CERKL: variants seen among roughly 807,000 people sequenced by gnomAD.
CERKL encodes the protein CERK like autophagy regulator, also known as ceramide kinase-like protein.
In CERKL, 61 loss-of-function variants were observed where a neutral mutation model predicts 63.4. The ratio of observed to expected loss-of-function variants is 0.96; its 90% CI spans 0.78 to 1.19. CERKL has a LOEUF of 1.19. CERKL is among the 50% of genes most tolerant of loss of function. The probability of loss-of-function intolerance (pLI) is 0.00; values close to 1 mark genes in which losing one functional copy is unlikely to be tolerated. For missense variants in CERKL, 675 were observed against 655.5 expected (o/e 1.03, Z -0.33); for synonymous variants, 250 against 230.5 (o/e 1.08, Z -0.77).
chr2:181,634,133 T>A (rs575038185), intron 1 of CERKL, among the ~76,000 whole-genome samples: 6 of 152,316 alleles, frequency 3.9e-5, no homozygotes, highest in African/African-American at 1.4e-4. Flanking sequence ...CTCTGAATTA[T>A]GCCATAAAAC....
At chr2:181,622,304 G>A (rs1686492224) in intron 1 of CERKL, among the ~76,000 whole-genome samples, 1 of 152,156 alleles carries the variant, frequency 6.6e-6, no homozygotes, top group African/African-American at 2.4e-5. Context: ...CACACCGCAT[G>A]GGGCTTGCTA....
rs1687955674 is a variant in CERKL, at chr2:181,550,914, C to T, written c.821-1206G>A. On this transcript the variant is annotated intron_variant, in intron 5 of 12. Transcript: ENST00000410087. This position sits in a 1 kb window ranked among gnomAD's most constrained non-coding sequence, Gnocchi z 4.5. ...AATGGCAAACTGGTTCCAACTGATTCACCAAAAGGCAAGTTATGCTGTGAC... is the reference window on the plus strand; with the variant it reads ...AATGGCAAACTGGTTCCAACTGATTTACCAAAAGGCAAGTTATGCTGTGAC... Among the ~76,000 whole-genome samples the T allele has an allele frequency of 6.6e-6, 1 of 152,108 alleles. No homozygotes were observed. Among genetic ancestry groups the T allele is most frequent in the South Asian group, 2.1e-4 (1 of 4,824 alleles).
rs1413314988 is a variant in CERKL, at chr2:181,580,048, C to T, written c.482-6164G>A. Among the ~76,000 whole-genome samples, 3 of 151,830 alleles carry T rather than the reference C, an allele frequency of 2.0e-5. 1 individual carries two copies. The highest frequency in any genetic ancestry group is 7.3e-5 in the African/African-American group (3 of 41,216). On this transcript the variant is annotated intron_variant, in intron 2 of 12. Transcript: ENST00000410087. ...AAAGAATTTTTCACATCTATTTTTG[C>T]TTATTTTTACATATGATCTTTGAAA...
At chr2:181,607,526 T>C (rs560629074) in intron 1 of CERKL, among the ~76,000 whole-genome samples, 3 of 152,324 alleles carry the variant, frequency 2.0e-5, no homozygotes, top group South Asian at 4.2e-4. Flanking sequence ...CCTGGTTCCC[T>C]TAAGGAAGAA....
chr2:181,565,442 A>C (rs1413782267), intron 4 of CERKL: 1 of 1,611,754 alleles, frequency 6.2e-7, no homozygotes, highest in Admixed American at 1.7e-5. Flanking sequence ...CCTTGGTTCT[A>C]ACGTTTGCAT....
chr2:181,605,649 A>T (rs1268059029), intron 1 of CERKL, among the ~76,000 whole-genome samples: 1 of 152,198 alleles, frequency 6.6e-6, no homozygotes, highest in Non-Finnish European at 1.5e-5. Flanking sequence ...AAAAATATTT[A>T]CAGGAATAGA....
At chr2:181,565,710 A>G (rs1249011814) in intron 4 of CERKL, among the ~76,000 whole-genome samples, 20 of 152,202 alleles carry the variant, frequency 1.3e-4, no homozygotes, top group Non-Finnish European at 2.2e-4. Context: ...TAGTTATGCC[A>G]TGTGACCAGT....
chr2:181,587,565 G>T (rs1305247012), intron 2 of CERKL, among the ~76,000 whole-genome samples: 1 of 151,880 alleles, frequency 6.6e-6, no homozygotes, highest in African/African-American at 2.4e-5. Flanking sequence ...TAAAAATCCA[G>T]ACTAAAAAGA....
At chr2:181,644,330 A>T (rs1687577599) in intron 1 of CERKL, among the ~76,000 whole-genome samples, 1 of 152,192 alleles carries the variant, frequency 6.6e-6, no homozygotes, top group Admixed American at 6.5e-5. Context: ...TTTCTTCAGG[A>T]TTTTTCTCAT....
At chr2:181,595,672 T>C (rs1685175595) in intron 2 of CERKL, among the ~76,000 whole-genome samples, 1 of 152,218 alleles carries the variant, frequency 6.6e-6, no homozygotes, top group Non-Finnish European at 1.5e-5. Context: ...TTAACCTTGT[T>C]AACTGATTTT....
intron 8 of CERKL, chr2:181,548,281 G>A: frequency 1.9e-6 from 1 of 532,528 alleles, no homozygotes; most frequent in Non-Finnish European, 3.3e-6. Context: ...GGAAAGGAAA[G>A]AAAGGGGAAG....
chr2:181,558,700 C>G lies in CERKL; in HGVS notation c.686G>C (p.Cys229Ser), dbSNP rs1243709117. Residue 229 changes from cysteine (C) to serine (S), a missense_variant, in exon 5 of 13, where the codon TGT (cysteine) becomes TCT (serine). By Grantham distance (112) the Cys-to-Ser change is moderately radical. Transcript: ENST00000410087. The surrounding 1 kb of genome is among the most constrained non-coding windows in gnomAD (Gnocchi z 4.2). The stretch of plus-strand genomic sequence containing the variant: ...GCTAGCAGATCCATCTCCACCAACA[C>G]AGACAACACTAGAAAAATACAAATC... ...CELQGFDGVV[C>S]VGGDGSASEV... 1 of 1,613,544 alleles carries G rather than the reference C, an allele frequency of 6.2e-7. No individual in the cohort carries two copies. Among genetic ancestry groups the G allele is most frequent in the Admixed American group, 1.7e-5 (1 of 59,928 alleles).
At chr2:181,555,705 TAA>T (rs1158135652) in intron 5 of CERKL, among the ~76,000 whole-genome samples, 1 of 152,068 alleles carries the variant, frequency 6.6e-6, no homozygotes, top group Non-Finnish European at 1.5e-5. Context: ...TGTGACTTTT[TAA>T]AAGTTGATTC....
At chr2:181,580,269 C>A (rs771965160) in intron 2 of CERKL, among the ~76,000 whole-genome samples, 20 of 151,862 alleles carry the variant, frequency 1.3e-4, no homozygotes, top group Admixed American at 2.6e-4. Flanking sequence ...GTGAACAATT[C>A]TAGGTTTATC....
chr2:181,618,509 C>T (rs1686310049), intron 1 of CERKL, among the ~76,000 whole-genome samples: 1 of 151,936 alleles, frequency 6.6e-6, no homozygotes, highest in Non-Finnish European at 1.5e-5. Flanking sequence ...CTCCATCTCC[C>T]TGGGTTCAAG....
At chr2:181,556,133 G>A (rs1688193169) in intron 5 of CERKL, among the ~76,000 whole-genome samples, 1 of 151,974 alleles carries the variant, frequency 6.6e-6, no homozygotes, top group African/African-American at 2.4e-5. Flanking sequence ...TGAAATTCAA[G>A]TCCAGTCTCT....
In CERKL at chr2:181,558,974, A is replaced by G. The variant is rs1235351306; in HGVS notation, c.678-266T>C. On this transcript the variant is annotated intron_variant, in intron 4 of 12. Coordinates refer to ENST00000410087, the MANE Select transcript of CERKL (RefSeq NM_201548.5). This position sits in a 1 kb window ranked among gnomAD's most constrained non-coding sequence, Gnocchi z 4.2. ...TTAAGAGATATGAAAACTTTTGAACATGTTAATTCACATCTGACCAGCGTT... is the reference window on the plus strand; with the variant it reads ...TTAAGAGATATGAAAACTTTTGAACGTGTTAATTCACATCTGACCAGCGTT... Among the ~76,000 whole-genome samples the G allele has an allele frequency of 1.3e-5, 2 of 152,194 alleles. No individual in the cohort carries two copies. Among genetic ancestry groups the G allele is most frequent in the Non-Finnish European group, 1.5e-5 (1 of 68,024 alleles).
chr2:181,600,638 T>G (rs561366903), intron 2 of CERKL, among the ~76,000 whole-genome samples: 4 of 152,088 alleles, frequency 2.6e-5, no homozygotes, highest in Middle Eastern at 3.4e-3. Flanking sequence ...ATATAAAGGG[T>G]TCAATTCAAC....
chr2:181,625,908 A>C (rs957362387), intron 1 of CERKL, among the ~76,000 whole-genome samples: 65 of 152,202 alleles, frequency 4.3e-4, no homozygotes, highest in African/African-American at 1.5e-3. Context: ...CATGCCTAAA[A>C]CGCTATATTG....
Sources: allele counts gnomAD v4.1 joint callset (sites outside exome capture counted in the v4.1 genomes callset), GRCh38; gene constraint gnomAD v4.1.1; non-coding constraint Gnocchi (gnomAD v3.1); transcripts MANE v1.5; gene names NCBI Gene and HGNC (gene_info 2026-07-23, HGNC 2026-07-21).